Variants in POU2F3 observed in about 807,000 individuals in gnomAD.
POU2F3 encodes the protein POU domain, class 2, transcription factor 3.
A neutral mutation model predicts 59.2 loss-of-function variants in POU2F3; 23 were observed. The ratio of observed to expected loss-of-function variants is 0.39; its 90% CI spans 0.28 to 0.55. The LOEUF (loss-of-function observed/expected upper bound fraction) is 0.55, where lower values mean the gene tolerates loss of function less well. POU2F3 is among the 20% of genes least tolerant of loss of function. The pLI, the probability that POU2F3 is intolerant of heterozygous loss-of-function variation, is 0.66. For synonymous variants in POU2F3, 190 were observed against 214.6 expected (o/e 0.89, Z 1.00); for missense variants, 473 against 544.5 (o/e 0.87, Z 1.31).
At chr11:120,261,875 T>C (rs1016117653) in intron 2 of POU2F3, among the ~76,000 whole-genome samples, 15 of 152,224 alleles carry the variant, frequency 9.9e-5, no homozygotes, top group African/African-American at 3.4e-4. Flanking sequence ...CAAACATCAG[T>C]TCTGTAACAG....
intron 4 of POU2F3, 150 bp downstream of exon 4, chr11:120,298,540 T>C (rs1455313441): frequency 3.6e-6 from 4 of 1,120,364 alleles, no homozygotes; most frequent in Admixed American, 2.8e-5. Flanking sequence ...TCTAAAACAG[T>C]CCTCTTACAG....
intron 6 of POU2F3, 130 bp from the exon 7 acceptor site, chr11:120,304,900 G>A: frequency 1.5e-6 from 1 of 680,578 alleles, no homozygotes; most frequent in Non-Finnish European, 2.3e-6. Context: ...ATGTACCCAG[G>A]GTGTATCCAG....
chr11:120,240,364 G>A lies in POU2F3; in HGVS notation c.21G>A (p.Met7Ile). The change falls in exon 1 of 13, where the codon ATG becomes ATA. Residue 7 changes from methionine (M) to isoleucine (I), a missense_variant. Physicochemically the swap from Met to Ile is conservative, Grantham distance 10. Transcript: ENST00000543440. The part of the protein sequence containing the change: MVNLES[M>I]HTDIKMSGDV... ...GCAGGATGGTGAATCTGGAGTCCAT[G>A]CACACAGGTGAGGGGCGGAGGGAAT... The A allele has an allele frequency of 7.0e-7, 1 of 1,432,470 alleles. No homozygotes were observed. Among genetic ancestry groups the A allele is most frequent in the South Asian group, 1.7e-5 (1 of 57,784 alleles). The allele number at this position is 1,432,470 out of a possible 1,614,324, so 88.7% of individuals were successfully genotyped here. A position where few individuals can be genotyped will look rare whatever the true frequency, so the allele number is the denominator to read the frequency against.
intron 10 of POU2F3, among the ~76,000 whole-genome samples, chr11:120,310,239 C>T (rs2135127530): frequency 6.6e-6 from 1 of 152,224 alleles, no homozygotes; most frequent in South Asian, 2.1e-4. Flanking sequence ...TGCATTCTGG[C>T]TAGACTTTGA....
At chr11:120,243,879 A>G (rs1400846404) in intron 1 of POU2F3, among the ~76,000 whole-genome samples, 1 of 152,212 alleles carries the variant, frequency 6.6e-6, no homozygotes, top group South Asian at 2.1e-4. Context: ...AGTAGACAAC[A>G]TGGCAGATGA....
Position 120,308,988 on chromosome 11 carries a change from G to T in POU2F3, c.907-437G>T, listed in dbSNP as rs1350706746. ...AAAAAAAAAAAAAAGAAATGACAAG[G>T]GAGAAGGACATCAGGTAATAAGGAA... On this transcript the variant is annotated intron_variant, in intron 9 of 12. Transcript: ENST00000543440. Among the ~76,000 whole-genome samples the T allele has an allele frequency of 6.3e-5, 7 of 111,338 alleles. No homozygotes were observed. The Admixed American group carries it at 7.3e-4, about 12-fold the overall frequency. The allele number at this position is 111,338 out of a possible 152,430, so 73.0% of individuals were successfully genotyped here.
rs147377182 is a variant in POU2F3 at position 120,316,889 on chromosome 11, G to A, written c.1136-340G>A. Among the ~76,000 whole-genome samples, 35 of 152,040 alleles carry A rather than the reference G, an allele frequency of 2.3e-4. No homozygotes were observed. In the South Asian group the frequency reaches 6.8e-3, roughly 30 times the overall value. On this transcript the variant is annotated intron_variant, in intron 11 of 12. Coordinates refer to ENST00000543440, the MANE Select transcript of POU2F3 (RefSeq NM_014352.4). Reference sequence around the variant, plus strand: ...TCCTTCTTGTTCTTTTTCTCCTACCGCCTCTTGGTCTGGGGCTGCATGTGC... The same window carrying A: ...TCCTTCTTGTTCTTTTTCTCCTACCACCTCTTGGTCTGGGGCTGCATGTGC...
upstream of POU2F3, chr11:120,236,780 G>A (rs181685462): frequency 5.8e-5 from 79 of 1,373,864 alleles, no homozygotes; most frequent in South Asian, 2.1e-4. Flanking sequence ...TGAGAGAGAA[G>A]GAATAAAGAT....
In POU2F3 at chr11:120,271,797, G is replaced by T. The variant is rs184767372; in HGVS notation, c.132+2553G>T. 1.4e-3 allele frequency among the ~76,000 whole-genome samples: 210 copies of T among 152,316 alleles called. 2 individuals carry two copies. Among genetic ancestry groups the T allele is most frequent in the African/African-American group, 4.9e-3 (205 of 41,578 alleles). On this transcript the variant is annotated intron_variant, in intron 3 of 12. Coordinates refer to ENST00000543440, the MANE Select transcript of POU2F3 (RefSeq NM_014352.4). Reference sequence around the variant, plus strand: ...GGCCTTGCTGGAGTTTGTTTCCCTTGGATGAGCCTTGTGGGGTGAGTTGTC... The same window carrying T: ...GGCCTTGCTGGAGTTTGTTTCCCTTTGATGAGCCTTGTGGGGTGAGTTGTC...
In POU2F3 at chr11:120,309,414, G is replaced by C. The variant is rs779367092; in HGVS notation, c.907-11G>C. ...TCTCTTGGCCATACTCTGTCCTTTC[G>C]GTGCCTATAGAACCCAAAACCCAGC... On this transcript the variant is annotated splice_polypyrimidine_tract_variant and intron_variant, in intron 9 of 12. Transcript: ENST00000543440. The C allele has an allele frequency of 1.2e-6, 2 of 1,607,040 alleles. No individual in the cohort carries two copies. The highest frequency in any genetic ancestry group is 2.2e-5 in the East Asian group (1 of 44,792).
At chr11:120,272,623 C>T (rs1176713187) in intron 3 of POU2F3, among the ~76,000 whole-genome samples, 1 of 152,210 alleles carries the variant, frequency 6.6e-6, no homozygotes, top group East Asian at 1.9e-4. Context: ...GGGTGAACCA[C>T]AGTCCTGAAG....
intron 2 of POU2F3, chr11:120,250,449 T>C (rs993870309): frequency 6.6e-6 from 1 of 152,222 alleles, no homozygotes; most frequent in Non-Finnish European, 1.5e-5. Flanking sequence ...TGTTCTCAAA[T>C]ACTTCATGCA....
chr11:120,254,078 C>T (rs1939231853), intron 2 of POU2F3: 1 of 152,254 alleles, frequency 6.6e-6, no homozygotes, highest in Admixed American at 6.5e-5. Flanking sequence ...GCAGACTCCC[C>T]CAGCCCCAAG....
chr11:120,294,716 T>C (rs1165427649), intron 3 of POU2F3, among the ~76,000 whole-genome samples: 1 of 152,192 alleles, frequency 6.6e-6, no homozygotes, highest in Non-Finnish European at 1.5e-5. Flanking sequence ...TCAGAGGCCA[T>C]GGGAATTGTC....
At position 120,319,321 on chromosome 11, in the gene POU2F3, AT is replaced by A. The variant is rs1941861638; in HGVS notation, c.*934del. On this transcript the variant is annotated 3_prime_UTR_variant, in exon 13 of 13. Transcript: ENST00000543440. Reference sequence around the variant, plus strand: ...CAGCAAAATGTTTAACTCAGGTGTGATTTTTGAAAATGTCTCTGTAATATTT... The same window carrying A: ...CAGCAAAATGTTTAACTCAGGTGTGATTTTGAAAATGTCTCTGTAATATTT... 1 of 152,240 alleles carries A rather than the reference AT, an allele frequency of 6.6e-6. No individual in the cohort carries two copies. The highest frequency in any genetic ancestry group is 6.6e-5 in the Admixed American group (1 of 15,230). 9.4% of individuals were successfully genotyped at this position (152,240 alleles called of 1,614,324 possible).
At chr11:120,278,358 C>T (rs1315803785) in intron 3 of POU2F3, among the ~76,000 whole-genome samples, 1 of 152,144 alleles carries the variant, frequency 6.6e-6, no homozygotes, top group Non-Finnish European at 1.5e-5. Flanking sequence ...GCCAGAGAAA[C>T]CACGCCACAG....
At chr11:120,258,694 GA>G (rs1939458632) in intron 2 of POU2F3, among the ~76,000 whole-genome samples, 1 of 152,178 alleles carries the variant, frequency 6.6e-6, no homozygotes, top group African/African-American at 2.4e-5. Context: ...TTTTGATTGG[GA>G]ACTTGGATCT....
chr11:120,238,645 G>T (rs920803279), upstream of POU2F3, among the ~76,000 whole-genome samples: 1 of 151,706 alleles, frequency 6.6e-6, no homozygotes, highest in Non-Finnish European at 1.5e-5. Flanking sequence ...GACCATCCTG[G>T]CAACGTGGTG....
intron 2 of POU2F3, among the ~76,000 whole-genome samples, chr11:120,260,385 G>C (rs935841811): frequency 2.0e-5 from 3 of 152,252 alleles, no homozygotes; most frequent in Admixed American, 6.5e-5. Flanking sequence ...CTGTTGGTGG[G>C]CATCCACGGT....
Sources: allele counts gnomAD v4.1 joint callset (sites outside exome capture counted in the v4.1 genomes callset), GRCh38; gene constraint gnomAD v4.1.1; transcripts MANE v1.5; gene names NCBI Gene and HGNC (gene_info 2026-07-23, HGNC 2026-07-21).